Variants in PTPRC observed in about 807,000 individuals in gnomAD.
PTPRC encodes the protein receptor-type tyrosine-protein phosphatase C.
In PTPRC, 44 loss-of-function variants were observed where a neutral mutation model predicts 155.9. The observed-to-expected ratio is 0.28, with a 90% CI of 0.22 to 0.36. The LOEUF (loss-of-function observed/expected upper bound fraction) is 0.36, where lower values mean the gene tolerates loss of function less well. Ranked by LOEUF, PTPRC falls within the 10% of genes least tolerant of loss-of-function variation. The pLI is 1.00. For synonymous variants in PTPRC, 525 were observed against 533.1 expected, an observed-to-expected ratio of 0.98 and a Z score of 0.21; for missense variants, 1,401 against 1,564.6, an observed-to-expected ratio of 0.90 and a Z score of 1.76.
chr1:198,684,703 G>T (rs953219758), intron 2 of PTPRC, among the ~76,000 whole-genome samples: 1 of 151,650 alleles, frequency 6.6e-6, no homozygotes, highest in African/African-American at 2.4e-5. Context: ...AGTATCTATT[G>T]ACTTCTTCTC....
At chr1:198,731,248 A>C (rs1455385606) in intron 17 of PTPRC, among the ~76,000 whole-genome samples, 1 of 152,028 alleles carries the variant, frequency 6.6e-6, no homozygotes. Flanking sequence ...GAAAATGAAA[A>C]TACAAAGAAA....
intron 2 of PTPRC, among the ~76,000 whole-genome samples, chr1:198,642,966 T>TTC (rs1212293287): frequency 2.0e-4 from 30 of 150,696 alleles, no homozygotes; most frequent in Admixed American, 3.3e-4. Context: ...CTTTCTTTCT[T>TTC]TCTTTTTTCT....
rs1435298808 is a variant in PTPRC at position 198,718,223 on chromosome 1, C to T, written c.1580C>T (p.Thr527Ile). The T allele has an allele frequency of 6.2e-7, 1 of 1,613,982 alleles. No homozygotes were observed. The highest frequency in any genetic ancestry group is 8.5e-7 in the Non-Finnish European group (1 of 1,180,012). Reference protein sequence around the residue: ...RYHLEVEAGNTLVRNESHKNC... With the variant: ...RYHLEVEAGNILVRNESHKNC... Reference sequence around the variant, plus strand: ...CATTTGGAAGTTGAAGCTGGAAATACTCTGGTTAGAAATGAGTCGCATAAG... The same window carrying T: ...CATTTGGAAGTTGAAGCTGGAAATATTCTGGTTAGAAATGAGTCGCATAAG... The change falls in exon 14 of 33, where the codon ACT becomes ATT. Residue 527 changes from threonine (T) to isoleucine (I), a missense_variant. By Grantham distance (89) the Thr-to-Ile change is moderately conservative. Coordinates refer to ENST00000442510, the MANE Select transcript of PTPRC (RefSeq NM_002838.5).
At chr1:198,698,039 G>A (rs1666288562) in intron 4 of PTPRC, among the ~76,000 whole-genome samples, 1 of 152,186 alleles carries the variant, frequency 6.6e-6, no homozygotes, top group African/African-American at 2.4e-5. Context: ...GGATGAAGGT[G>A]CTGATGACTA....
intron 23 of PTPRC, among the ~76,000 whole-genome samples, chr1:198,740,903 T>A (rs996208486): frequency 2.6e-5 from 4 of 151,856 alleles, no homozygotes; most frequent in African/African-American, 9.7e-5. Flanking sequence ...GTAATCTAAA[T>A]TTTATTTTTG....
At chr1:198,673,262 A>G (rs1011009529) in intron 2 of PTPRC, among the ~76,000 whole-genome samples, 4 of 152,232 alleles carry the variant, frequency 2.6e-5, no homozygotes, top group Non-Finnish European at 5.9e-5. Flanking sequence ...TATTGCACTT[A>G]CTCATTGTAA....
At chr1:198,718,462 T>G (rs1053123800) in intron 14 of PTPRC, among the ~76,000 whole-genome samples, 160 bp downstream of exon 14, 2 of 152,208 alleles carry the variant, frequency 1.3e-5, no homozygotes, top group African/African-American at 4.8e-5. Flanking sequence ...ACTCTAAAAT[T>G]TTTATTCCTA....
intron 26 of PTPRC, among the ~76,000 whole-genome samples, chr1:198,746,644 AT>A (rs1449657981): frequency 6.6e-6 from 1 of 151,786 alleles, no homozygotes; most frequent in African/African-American, 2.4e-5. Flanking sequence ...AATCTGGGGA[AT>A]GTGGATGCAC....
intron 32 of PTPRC, among the ~76,000 whole-genome samples, chr1:198,754,793 G>A (rs1655552632): frequency 6.6e-6 from 1 of 152,074 alleles, no homozygotes; most frequent in Non-Finnish European, 1.5e-5. Context: ...ATGATATGCT[G>A]GAATGTTCTG....
chr1:198,700,313 G>T (rs946988589), intron 5 of PTPRC, among the ~76,000 whole-genome samples: 1 of 152,118 alleles, frequency 6.6e-6, no homozygotes, highest in South Asian at 2.1e-4. Flanking sequence ...AAACAAGTAT[G>T]TCTTTTGTCA....
chr1:198,670,590 C>T (rs1485885886), intron 2 of PTPRC, among the ~76,000 whole-genome samples: 3 of 151,968 alleles, frequency 2.0e-5, no homozygotes, highest in East Asian at 1.9e-4. Flanking sequence ...ATATTATCAT[C>T]GAAACACAAT....
intron 26 of PTPRC, 140 bp from the exon 27 acceptor site, chr1:198,747,969 C>A: frequency 7.7e-7 from 1 of 1,304,032 alleles, no homozygotes; most frequent in Non-Finnish European, 1.0e-6. Context: ...AGAGGCAAAC[C>A]GAAAAATTAT....
intron 31 of PTPRC, among the ~76,000 whole-genome samples, chr1:198,754,045 A>C (rs187607123): frequency 3.2e-4 from 48 of 152,212 alleles, no homozygotes; most frequent in African/African-American, 8.9e-4. Context: ...TGTAAAGTCG[A>C]AGACAAATAA....
At position 198,752,598 on chromosome 1, in the gene PTPRC, A is replaced by G. The variant is rs749257364; in HGVS notation, c.3335A>G (p.Lys1112Arg). The G allele has an allele frequency of 1.9e-5, 30 of 1,611,938 alleles. No individual in the cohort carries two copies. The highest frequency in any genetic ancestry group is 2.5e-5 in the Non-Finnish European group (30 of 1,178,750). Reference sequence around the variant, plus strand: ...TCTCTTCAATTCTGATTTTAGAGGAAAGACTCTCGAACTGTGTACCAGTAC... The same window carrying G: ...TCTCTTCAATTCTGATTTTAGAGGAGAGACTCTCGAACTGTGTACCAGTAC... The part of the protein sequence containing the change: ...RVFELRHSKR[K>R]DSRTVYQYQY... Residue 1112 changes from lysine to arginine, a missense_variant, in exon 31 of 33, where the codon AAA becomes AGA. Around this residue, in one of 3 missense-constraint regions of PTPRC, gnomAD observed 400 missense variants for 389.5 expected, o/e 1.03. Transcript: ENST00000442510.
chr1:198,669,359 C>A (rs1449098344), intron 2 of PTPRC, among the ~76,000 whole-genome samples: 3 of 152,184 alleles, frequency 2.0e-5, no homozygotes, highest in Non-Finnish European at 4.4e-5. Context: ...CAGGCACCCA[C>A]CTGCACCCAA....
At chr1:198,717,995 T>C (rs1653678059) in intron 13 of PTPRC, 99 bp from the exon 14 acceptor site, 1 of 1,015,648 alleles carries the variant, frequency 9.8e-7, no homozygotes, top group East Asian at 2.6e-5. Flanking sequence ...ACCCCCAAGC[T>C]AACACTTAAA....
intron 23 of PTPRC, among the ~76,000 whole-genome samples, chr1:198,736,410 G>A (rs1163593064): frequency 2.0e-5 from 3 of 151,068 alleles, no homozygotes; most frequent in Non-Finnish European, 4.4e-5. Context: ...TTAAATTTTG[G>A]CTCCCACAAA....
intron 2 of PTPRC, among the ~76,000 whole-genome samples, chr1:198,664,683 T>TCCC (rs1409172055): frequency 6.6e-6 from 1 of 152,132 alleles, no homozygotes; most frequent in Non-Finnish European, 1.5e-5. Context: ...GATGTCTACT[T>TCCC]CCTCTTCAGA....
intron 4 of PTPRC, among the ~76,000 whole-genome samples, chr1:198,698,006 A>G (rs949151844): frequency 2.0e-5 from 3 of 152,160 alleles, no homozygotes; most frequent in African/African-American, 7.2e-5. Flanking sequence ...ACATTGCCCA[A>G]AATTTTTACA....
Sources: gnomAD v4.1 joint callset for allele counts (sites outside exome capture counted in the v4.1 genomes callset) on GRCh38, gnomAD v4.1.1 for gene constraint, gnomAD v4.1.1 regional missense constraint, MANE v1.5 for transcripts, NCBI Gene and HGNC (gene_info 2026-07-23, HGNC 2026-07-21) for gene names.